Variants in JMJD1C observed in about 807,000 individuals in gnomAD.
The protein encoded by JMJD1C is jumonji domain containing 1C, also known as jumonji domain-containing protein 1C.
In JMJD1C, 31 loss-of-function variants were observed where a neutral mutation model predicts 245.3. The ratio of observed to expected loss-of-function variants is 0.13; its 90% CI spans 0.09 to 0.17. JMJD1C has a LOEUF of 0.17. Ranked by LOEUF, JMJD1C falls within the 10% of genes least tolerant of loss-of-function variation. The probability of loss-of-function intolerance (pLI) is 1.00; values close to 1 mark genes in which losing one functional copy is unlikely to be tolerated. For missense variants in JMJD1C, 2,691 were observed against 3,000.2 expected, an observed-to-expected ratio of 0.90 and a Z score of 2.41; for synonymous variants, 1,057 against 1,017.4, an observed-to-expected ratio of 1.04 and a Z score of -0.74.
chr10:63,200,294 T>G (rs1564593045), intron 11 of JMJD1C, among the ~76,000 whole-genome samples, 182 bp downstream of exon 11: 1 of 152,196 alleles, frequency 6.6e-6, no homozygotes, highest in African/African-American at 2.4e-5. Context: ...TATTTAGTCT[T>G]ATAGTTAGAA....
In JMJD1C at chr10:63,277,249, C is replaced by T. The variant is rs866840430; in HGVS notation, c.334-12485G>A. Among the ~76,000 whole-genome samples, 8 of 148,890 alleles carry T rather than the reference C, an allele frequency of 5.4e-5. No homozygotes were observed. The South Asian group carries it at 1.7e-3, about 32-fold the overall frequency. On this transcript the variant is annotated intron_variant, in intron 2 of 25. Transcript: ENST00000399262. ...ACCAGGTTGGCCTCGAATGTGTAGC[C>T]TCGCCTCCCCGAGTGCCAGGGCAAC...
At chr10:63,307,412 T>A (rs1461454012) in intron 2 of JMJD1C, among the ~76,000 whole-genome samples, 2 of 152,232 alleles carry the variant, frequency 1.3e-5, no homozygotes, top group African/African-American at 2.4e-5. Context: ...ATCATATACG[T>A]CTATGTAATT....
intron 23 of JMJD1C, 200 bp from the exon 24 acceptor site, chr10:63,176,673 C>G (rs1214161711): frequency 3.7e-6 from 2 of 538,306 alleles, no homozygotes; most frequent in Admixed American, 6.3e-5. Context: ...TACAGCAATG[C>G]TGAAATGCTC....
At chr10:63,418,411 A>T (rs888988633) in intron 1 of JMJD1C, among the ~76,000 whole-genome samples, 1 of 152,214 alleles carries the variant, frequency 6.6e-6, no homozygotes, top group Non-Finnish European at 1.5e-5. Flanking sequence ...GGTTATTCAG[A>T]AATTATCCCA....
intron 4 of JMJD1C, 130 bp downstream of exon 4, chr10:63,219,748 C>G: frequency 1.8e-6 from 1 of 542,450 alleles, no homozygotes; most frequent in Non-Finnish European, 3.4e-6. Flanking sequence ...TATTATTTTC[C>G]TGGATGTATA....
In JMJD1C at chr10:63,189,026, C is replaced by T. The variant is rs1011761270; in HGVS notation, c.6570+142G>A. ...GAAACAAGCATTCTGACAATCTTTT[C>T]GGTACTTTTATATCTTATTGTCCCC... On this transcript the variant is annotated intron_variant, in intron 18 of 25. Coordinates refer to ENST00000399262, the MANE Select transcript of JMJD1C (RefSeq NM_032776.3). 8 of 618,472 alleles carry T rather than the reference C, an allele frequency of 1.3e-5. No individual in the cohort carries two copies. The South Asian group carries it at 1.5e-4, about 12-fold the overall frequency. The allele number at this position is 618,472 out of a possible 1,614,324, so 38.3% of individuals were successfully genotyped here. A position where few individuals can be genotyped will look rare whatever the true frequency, so the allele number is the denominator to read the frequency against.
rs144261444 is a variant in JMJD1C at position 63,440,965 on chromosome 10, A to G, written c.168+24530T>C. ...CAGTTATGAAGACAACCTACTATGAAGTCACTAACACAAACAAGTAGGAGG... is the reference window on the plus strand; with the variant it reads ...CAGTTATGAAGACAACCTACTATGAGGTCACTAACACAAACAAGTAGGAGG... On this transcript the variant is annotated intron_variant, in intron 1 of 25. Transcript: ENST00000399262. 3.2e-3 allele frequency among the ~76,000 whole-genome samples: 490 copies of G among 152,302 alleles called. 2 individuals carry two copies. The highest frequency in any genetic ancestry group is 0.011 in the African/African-American group (475 of 41,568).
chr10:63,377,244 C>CG, intron 2 of JMJD1C, among the ~76,000 whole-genome samples: 1 of 152,150 alleles, frequency 6.6e-6, no homozygotes, highest in Non-Finnish European at 1.5e-5. Context: ...GCCAGGAAGA[C>CG]GGGGGAATAA....
intron 3 of JMJD1C, among the ~76,000 whole-genome samples, chr10:63,246,999 T>C (rs550328198): frequency 6.7e-6 from 1 of 148,904 alleles, no homozygotes; most frequent in African/African-American, 2.4e-5. Flanking sequence ...ACTTCAAATA[T>C]ACAACGCAAC....
intron 2 of JMJD1C, among the ~76,000 whole-genome samples, chr10:63,375,183 C>CTTT (rs67008681): frequency 0.19 from 17,645 of 92,640 alleles, 2,758 homozygotes; most frequent in Non-Finnish European, 0.27. Flanking sequence ...TAAAAATTGG[C>CTTT]TTTTTTTTTT....
intron 3 of JMJD1C, among the ~76,000 whole-genome samples, chr10:63,263,255 A>G (rs1855025330): frequency 6.6e-6 from 1 of 152,252 alleles, no homozygotes; most frequent in Non-Finnish European, 1.5e-5. Flanking sequence ...TTAAAGAAAC[A>G]AGAAAAATCA....
intron 2 of JMJD1C, among the ~76,000 whole-genome samples, chr10:63,285,471 T>C (rs1314672936): frequency 6.6e-6 from 1 of 152,128 alleles, no homozygotes; most frequent in African/African-American, 2.4e-5. Flanking sequence ...AGATCCCAAA[T>C]CAGAAAGATT....
chr10:63,482,799 C>T (rs1229462006), intron 1 of JMJD1C, among the ~76,000 whole-genome samples: 1 of 152,172 alleles, frequency 6.6e-6, no homozygotes, highest in African/African-American at 2.4e-5. Flanking sequence ...TATAAAGAAG[C>T]TGCTGTGCGT....
At chr10:63,451,774 G>C (rs1346527218) in intron 1 of JMJD1C, among the ~76,000 whole-genome samples, 1 of 152,138 alleles carries the variant, frequency 6.6e-6, no homozygotes, top group African/African-American at 2.4e-5. Flanking sequence ...ACAGAGACCA[G>C]AGATAAACCC....
chr10:63,272,647 CATAAA>C (rs1402667692), intron 2 of JMJD1C, among the ~76,000 whole-genome samples: 1 of 152,140 alleles, frequency 6.6e-6, no homozygotes, highest in African/African-American at 2.4e-5. Context: ...ATTAATCAGA[CATAAA>C]ATAAAAAGAA....
At chr10:63,400,601 C>T (rs543617940) in intron 1 of JMJD1C, among the ~76,000 whole-genome samples, 27 of 152,134 alleles carry the variant, frequency 1.8e-4, no homozygotes, top group Non-Finnish European at 3.2e-4. Context: ...CCTGCTCTGT[C>T]GCTCAAACTG....
intron 4 of JMJD1C, among the ~76,000 whole-genome samples, chr10:63,219,187 C>T (rs1848323197): frequency 6.6e-6 from 1 of 152,072 alleles, no homozygotes; most frequent in African/African-American, 2.4e-5. Context: ...ACTGTACATA[C>T]CCATATAAAG....
In JMJD1C at chr10:63,219,900, C is replaced by G; in HGVS notation, c.531G>C (p.Lys177Asn). Residue 177 changes from lysine (K) to asparagine (N), a missense_variant, in exon 4 of 26, where the codon AAG becomes AAC. By Grantham distance (94) the Lys-to-Asn change is moderately conservative (BLOSUM62 0). Coordinates refer to ENST00000399262, the MANE Select transcript of JMJD1C (RefSeq NM_032776.3). The part of the protein sequence containing the change: ...EEVKVWVKEQ[K>N]VQEIFMQGPY... Reference sequence around the variant, plus strand: ...TACCTTGCATAAAAATCTCCTGAACCTTTTGTTCCTTTACCCAGACTTTCA... The same window carrying G: ...TACCTTGCATAAAAATCTCCTGAACGTTTTGTTCCTTTACCCAGACTTTCA... 6.2e-7 allele frequency: 1 copy of G among 1,613,462 alleles called. No individual in the cohort carries two copies. The highest frequency in any genetic ancestry group is 8.5e-7 in the Non-Finnish European group (1 of 1,179,516).
intron 4 of JMJD1C, 52 bp downstream of exon 4, chr10:63,219,823 TATG>T (rs749604024): frequency 6.5e-6 from 8 of 1,226,018 alleles, no homozygotes; most frequent in East Asian, 2.3e-5. Context: ...CAAAAACAAA[TATG>T]ATAAGTTGCC....
Sources: gnomAD v4.1 joint callset for allele counts (sites outside exome capture counted in the v4.1 genomes callset) on GRCh38, gnomAD v4.1.1 for gene constraint, MANE v1.5 for transcripts, NCBI Gene and HGNC (gene_info 2026-07-23, HGNC 2026-07-21) for gene names.